Variants in RBFOX1 observed in about 807,000 individuals in gnomAD.
The protein encoded by RBFOX1 is RNA binding fox-1 homolog 1.
RBFOX1 carries 8 observed loss-of-function variants against 57.7 expected under a neutral mutation model. The observed-to-expected ratio is 0.14, with a 90% CI of 0.08 to 0.25. The LOEUF (loss-of-function observed/expected upper bound fraction) is 0.25, where lower values mean the gene tolerates loss of function less well. Among genes scored for constraint, RBFOX1 ranks in the 10% least tolerant of loss-of-function variants. The pLI is 1.00. For missense variants in RBFOX1, 611 were observed against 548.5 expected (o/e 1.11, Z -1.14); for synonymous variants, 326 against 222.4 (o/e 1.47, Z -4.15).
At position 5,656,295 on chromosome 16, in the gene RBFOX1, C is replaced by T. The variant is rs73514543; in HGVS notation, c.318+57334C>T. Among the ~76,000 whole-genome samples the T allele has an allele frequency of 8.6e-3, 1,304 of 152,234 alleles. 18 individuals carry two copies. The highest frequency in any genetic ancestry group is 0.029 in the African/African-American group (1,222 of 41,538). On this transcript the variant is annotated intron_variant, in intron 3 of 19. Coordinates refer to the RBFOX1 transcript ENST00000641259. ...TCAGGATGAAAAAAGTAATGTCTCT[C>T]AGCACTCAGTGCAGAGGCGAGCATA...
chr16:7,174,280 G>A (rs1313004627), intron 4 of RBFOX1, among the ~76,000 whole-genome samples: 1 of 151,950 alleles, frequency 6.6e-6, no homozygotes, highest in Non-Finnish European at 1.5e-5. Context: ...AATATTCCAT[G>A]GTATGGATGG....
intron 4 of RBFOX1, among the ~76,000 whole-genome samples, chr16:7,222,773 G>A (rs961028128): frequency 6.6e-6 from 1 of 152,170 alleles, no homozygotes; most frequent in African/African-American, 2.4e-5. Flanking sequence ...TGGTAAGCAG[G>A]AACCAGTGCC....
At chr16:5,953,820 T>C (rs1205201639) in intron 4 of RBFOX1, among the ~76,000 whole-genome samples, 2 of 152,128 alleles carry the variant, frequency 1.3e-5, no homozygotes, top group Non-Finnish European at 2.9e-5. Flanking sequence ...AACCTGCGTG[T>C]GCAAGTATTT....
At chr16:7,560,677 G>C (rs1396673411) in intron 5 of RBFOX1, among the ~76,000 whole-genome samples, 1 of 152,090 alleles carries the variant, frequency 6.6e-6, no homozygotes, top group Non-Finnish European at 1.5e-5. Context: ...GAAAGGGCGA[G>C]TGACTTTCTC....
chr16:7,331,510 C>G (rs1029084444), intron 4 of RBFOX1, among the ~76,000 whole-genome samples: 3 of 152,178 alleles, frequency 2.0e-5, no homozygotes, highest in Non-Finnish European at 2.9e-5. Flanking sequence ...TTATCTGAGC[C>G]TTCAGTCTCA....
At chr16:7,413,471 C>A (rs900048818) in intron 4 of RBFOX1, among the ~76,000 whole-genome samples, 5 of 152,190 alleles carry the variant, frequency 3.3e-5, no homozygotes, top group Admixed American at 3.3e-4. Context: ...CTCACAAGAT[C>A]CAAGGTGAGG....
intron 4 of RBFOX1, among the ~76,000 whole-genome samples, chr16:7,378,186 G>C (rs539486405): frequency 6.6e-6 from 1 of 152,272 alleles, no homozygotes; most frequent in Non-Finnish European, 1.5e-5. Flanking sequence ...TTGCTGAGCC[G>C]GAAGTTGTTA....
chr16:6,361,226 C>G (rs538922768), intron 2 of RBFOX1, among the ~76,000 whole-genome samples: 4 of 152,148 alleles, frequency 2.6e-5, no homozygotes, highest in Admixed American at 2.6e-4. Context: ...AAGAAAGGCA[C>G]AGAGGAAAGA....
intron 3 of RBFOX1, among the ~76,000 whole-genome samples, chr16:6,875,559 C>T (rs564493163): frequency 5.3e-5 from 8 of 152,190 alleles, no homozygotes; most frequent in Admixed American, 2.0e-4. Flanking sequence ...GAAGCAAGGC[C>T]GTGGTTAAGG....
chr16:7,109,879 A>G (rs1285642355), intron 4 of RBFOX1, among the ~76,000 whole-genome samples: 1 of 152,076 alleles, frequency 6.6e-6, no homozygotes, highest in African/African-American at 2.4e-5. Flanking sequence ...CATTCACTGA[A>G]CTTTTCATTT....
intron 1 of RBFOX1, among the ~76,000 whole-genome samples, chr16:6,087,903 G>A (rs191994235): frequency 2.2e-4 from 33 of 152,072 alleles, no homozygotes; most frequent in Non-Finnish European, 3.8e-4. Context: ...CACCTGCCTC[G>A]GCCTCCCAAA....
chr16:7,372,030 T>C (rs2097575823), intron 4 of RBFOX1, among the ~76,000 whole-genome samples: 1 of 152,262 alleles, frequency 6.6e-6, no homozygotes, highest in East Asian at 2.0e-4. Context: ...GATAGAGATA[T>C]TTAAATAAAA....
intron 4 of RBFOX1, among the ~76,000 whole-genome samples, chr16:7,489,686 T>C (rs906055977): frequency 1.3e-5 from 2 of 151,804 alleles, no homozygotes; most frequent in African/African-American, 2.4e-5. Flanking sequence ...CAGAAAATTG[T>C]TTTTTATTTT....
intron 2 of RBFOX1, among the ~76,000 whole-genome samples, chr16:5,594,411 G>A (rs2047112196): frequency 6.7e-6 from 1 of 148,972 alleles, no homozygotes; most frequent in South Asian, 2.3e-4. Context: ...ACACAGGCCT[G>A]TGACACAGCC....
intron 14 of RBFOX1, among the ~76,000 whole-genome samples, chr16:7,683,437 T>G (rs2075362659): frequency 6.6e-6 from 1 of 152,002 alleles, no homozygotes; most frequent in Non-Finnish European, 1.5e-5. Flanking sequence ...ACAACTGTTA[T>G]GCACTATTGG....
chr16:7,379,801 C>T (rs928974037), intron 4 of RBFOX1, among the ~76,000 whole-genome samples: 3 of 151,634 alleles, frequency 2.0e-5, no homozygotes, highest in African/African-American at 7.3e-5. Flanking sequence ...TGCCTCCCTG[C>T]CTGCCTGCCT....
intron 4 of RBFOX1, among the ~76,000 whole-genome samples, chr16:5,913,136 T>G (rs971503736): frequency 9.9e-5 from 15 of 152,196 alleles, no homozygotes; most frequent in East Asian, 3.8e-4. Context: ...GTCTAGAAAT[T>G]CAGCTTGTGG....
At chr16:7,072,570 G>C (rs117823211) in intron 4 of RBFOX1, among the ~76,000 whole-genome samples, 40 of 152,296 alleles carry the variant, frequency 2.6e-4, no homozygotes, top group Non-Finnish European at 5.1e-4. Context: ...GAAAGAATCA[G>C]TATGCACCAA....
At chr16:7,389,898 A>C (rs2097963044) in intron 4 of RBFOX1, among the ~76,000 whole-genome samples, 1 of 152,208 alleles carries the variant, frequency 6.6e-6, no homozygotes, top group African/African-American at 2.4e-5. Context: ...GGGTTGTAGT[A>C]GTCCATTCTC....
Sources: gnomAD v4.1 joint callset for allele counts (sites outside exome capture counted in the v4.1 genomes callset) on GRCh38, gnomAD v4.1.1 for gene constraint, MANE v1.5 for transcripts, NCBI Gene and HGNC (gene_info 2026-07-23, HGNC 2026-07-21) for gene names.